SIK2: variants seen among roughly 807,000 people sequenced by gnomAD.
SIK2 encodes salt inducible kinase 2.
SIK2 carries 29 observed loss-of-function variants against 103.2 expected under a neutral mutation model. The observed-to-expected ratio is 0.28, with a 90% CI of 0.21 to 0.38. The LOEUF (loss-of-function observed/expected upper bound fraction) is 0.38. Ranked by LOEUF, SIK2 falls within the 10% of genes least tolerant of loss-of-function variation. The probability of loss-of-function intolerance (pLI) is 1.00; values close to 1 mark genes in which losing one functional copy is unlikely to be tolerated. For missense variants in SIK2, 879 were observed against 1,171.0 expected (o/e 0.75, Z 3.64); for synonymous variants, 412 against 446.1 (o/e 0.92, Z 0.96).
intron 9 of SIK2, among the ~76,000 whole-genome samples, chr11:111,719,259 C>G (rs1441274158): frequency 6.6e-6 from 1 of 151,706 alleles, no homozygotes; most frequent in Non-Finnish European, 1.5e-5. Flanking sequence ...AAGACTAAAT[C>G]AAATGGGCAG....
In SIK2 at chr11:111,613,965, A is replaced by G. The variant is rs549375200; in HGVS notation, c.136-2278A>G. Among the ~76,000 whole-genome samples, 11 of 152,234 alleles carry G rather than the reference A, an allele frequency of 7.2e-5. No homozygotes were observed. The East Asian group carries it at 1.9e-3, about 27-fold the overall frequency. On this transcript the variant is annotated intron_variant, in intron 1 of 14. Coordinates refer to ENST00000304987, the MANE Select transcript of SIK2 (RefSeq NM_015191.3). ...GAGCTTTAGGACATAACAGCAAAGG[A>G]TAGAGCAGCCATAAAGAAAGAAGAA...
At chr11:111,618,179 A>G (rs1407427711) in intron 2 of SIK2, among the ~76,000 whole-genome samples, 2 of 152,090 alleles carry the variant, frequency 1.3e-5, no homozygotes, top group African/African-American at 4.8e-5. Flanking sequence ...ACAGTTCACA[A>G]TAGGGTTCCT....
chr11:111,712,427 GT>G (rs1334230544), intron 9 of SIK2, 52 bp downstream of exon 9: 1 of 1,565,022 alleles, frequency 6.4e-7, no homozygotes, highest in Non-Finnish European at 8.7e-7. Context: ...AGAGATTTCA[GT>G]TTGGTCCACA....
chr11:111,723,485 T>G lies in SIK2; in HGVS notation c.2148-11T>G. On this transcript the variant is annotated splice_polypyrimidine_tract_variant and intron_variant, in intron 14 of 14. Coordinates refer to ENST00000304987, the MANE Select transcript of SIK2 (RefSeq NM_015191.3). ...GATTTAAAATTCTTTCCTTTGATAT[T>G]ACCAATTTAGGCTCCAGCAGAAGCG... is the stretch of plus-strand genomic sequence containing the variant. 6.3e-7 allele frequency: 1 copy of G among 1,580,662 alleles called. No homozygotes were observed. Among genetic ancestry groups the G allele is most frequent in the South Asian group, 1.2e-5 (1 of 86,896 alleles).
intron 7 of SIK2, among the ~76,000 whole-genome samples, chr11:111,704,061 A>G (rs140880370): frequency 6.6e-6 from 1 of 152,370 alleles, no homozygotes; most frequent in Non-Finnish European, 1.5e-5. Context: ...ACAAGAAAGA[A>G]TATCAAATGC....
chr11:111,619,120 G>T (rs1475579431), intron 2 of SIK2, among the ~76,000 whole-genome samples: 2 of 152,114 alleles, frequency 1.3e-5, no homozygotes, highest in Non-Finnish European at 2.9e-5. Flanking sequence ...AAACTAGACC[G>T]AGGATAAAAC....
chr11:111,699,622 G>T (rs1352076107), intron 4 of SIK2, among the ~76,000 whole-genome samples: 1 of 152,150 alleles, frequency 6.6e-6, no homozygotes, highest in Non-Finnish European at 1.5e-5. Flanking sequence ...TAATAATGGG[G>T]ATTGTTACTG....
rs190052776 is a variant in SIK2 at position 111,603,488 on chromosome 11, C to T, written c.135+790C>T. On this transcript the variant is annotated intron_variant, in intron 1 of 14. Transcript: ENST00000304987. ...ATTCTTTAAACCATATCAGATTCTG[C>T]CTCTACTCATAAAGCCCTCAACTGC... is the stretch of plus-strand genomic sequence containing the variant. Among the ~76,000 whole-genome samples the T allele has an allele frequency of 3.4e-3, 520 of 152,152 alleles. 10 individuals are homozygous for T. The highest frequency in any genetic ancestry group is 5.7e-4 in the Non-Finnish European group (39 of 68,004).
chr11:111,608,060 C>T (rs1157505496), intron 1 of SIK2, among the ~76,000 whole-genome samples: 2 of 152,140 alleles, frequency 1.3e-5, no homozygotes, highest in Non-Finnish European at 2.9e-5. Flanking sequence ...ATTAGGATAT[C>T]GTTCTTTCCG....
At chr11:111,694,920 G>A (rs1029008423) in intron 4 of SIK2, among the ~76,000 whole-genome samples, 3 of 152,156 alleles carry the variant, frequency 2.0e-5, no homozygotes, top group Admixed American at 6.5e-5. Context: ...TTGGTCAGCA[G>A]GATCACATTT....
chr11:111,724,040 C>T lies in SIK2; in HGVS notation c.2692C>T (p.Leu898=). ...AGAGGCCCCCTCCAGCTACGACCCA[C>T]TAGCCCTCTCTGAGCTACCTGGACT... ...LQEAPSSYDP[L]ALSELPGLFD... Residue 898 remains leucine, a synonymous_variant, in exon 15 of 15, where the codon CTA becomes TTA. Coordinates refer to ENST00000304987, the MANE Select transcript of SIK2 (RefSeq NM_015191.3). The T allele has an allele frequency of 6.2e-7, 1 of 1,614,182 alleles. No homozygotes were observed. Among genetic ancestry groups the T allele is most frequent in the Non-Finnish European group, 8.5e-7 (1 of 1,180,042 alleles).
intron 9 of SIK2, among the ~76,000 whole-genome samples, chr11:111,713,516 T>A (rs1943557685): frequency 6.6e-6 from 1 of 152,142 alleles, no homozygotes; most frequent in South Asian, 2.1e-4. Context: ...TGGGACAGAT[T>A]ATAGATAATA....
chr11:111,659,404 C>T (rs1413120807), intron 3 of SIK2, among the ~76,000 whole-genome samples: 2 of 152,162 alleles, frequency 1.3e-5, no homozygotes, highest in African/African-American at 4.8e-5. Flanking sequence ...TGTAAGGTTA[C>T]AAAGATGTCT....
At chr11:111,663,232 CAAAA>C (rs34283287) in intron 3 of SIK2, among the ~76,000 whole-genome samples, 2 of 141,654 alleles carry the variant, frequency 1.4e-5, no homozygotes, top group Non-Finnish European at 1.5e-5. Flanking sequence ...GACCCTATTT[CAAAA>C]AAAAAAAAAA....
chr11:111,632,467 T>G (rs1942052434), intron 3 of SIK2, among the ~76,000 whole-genome samples: 1 of 152,160 alleles, frequency 6.6e-6, no homozygotes, highest in Non-Finnish European at 1.5e-5. Flanking sequence ...GATTATCATT[T>G]CTTGAACTCT....
rs1436396018 is a variant in SIK2, at chr11:111,727,958, A to G, written c.*3829A>G. 1 of 152,252 alleles carries G rather than the reference A, an allele frequency of 6.6e-6. No individual in the cohort carries two copies. Among genetic ancestry groups the G allele is most frequent in the Non-Finnish European group, 1.5e-5 (1 of 68,052 alleles). The allele number at this position is 152,252 out of a possible 1,614,324, so 9.4% of individuals were successfully genotyped here. Reference sequence around the variant, plus strand: ...GTATTACATTTTAAAACCTGTATCAACAGTCACATTTAAGCTCCCTATTGG... The same window carrying G: ...GTATTACATTTTAAAACCTGTATCAGCAGTCACATTTAAGCTCCCTATTGG... On this transcript the variant is annotated 3_prime_UTR_variant, in exon 15 of 15. Coordinates refer to ENST00000304987, the MANE Select transcript of SIK2 (RefSeq NM_015191.3).
intron 2 of SIK2, among the ~76,000 whole-genome samples, chr11:111,616,936 G>T (rs1012739901): frequency 2.6e-5 from 4 of 152,060 alleles, no homozygotes; most frequent in Non-Finnish European, 5.9e-5. Flanking sequence ...ATTTAAAAAG[G>T]ATACTGTATG....
chr11:111,659,139 T>C (rs1942434664), intron 3 of SIK2, among the ~76,000 whole-genome samples: 1 of 152,224 alleles, frequency 6.6e-6, no homozygotes, highest in Admixed American at 6.5e-5. Context: ...ACTTTCATAA[T>C]CTTCTTTATT....
At chr11:111,616,499 T>A (rs1941808465) in intron 2 of SIK2, 140 bp downstream of exon 2, 1 of 603,174 alleles carries the variant, frequency 1.7e-6, no homozygotes, top group Non-Finnish European at 2.9e-6. Context: ...GTACACCATT[T>A]TTCTATATTG....
Sources: allele counts gnomAD v4.1 joint callset (sites outside exome capture counted in the v4.1 genomes callset), GRCh38; gene constraint gnomAD v4.1.1; transcripts MANE v1.5; gene names NCBI Gene and HGNC (gene_info 2026-07-23, HGNC 2026-07-21).